Variants in DHX35 observed in about 807,000 individuals in gnomAD.
The protein encoded by DHX35 is DEAH-box helicase 35.
A neutral mutation model predicts 99.6 loss-of-function variants in DHX35; 84 were observed. The observed-to-expected ratio is 0.84, with a 90% CI of 0.71 to 1.01. The LOEUF is 1.01. DHX35 is among the 50% of genes least tolerant of loss of function. DHX35 has a pLI of 0.00. For missense variants in DHX35, 852 were observed against 888.5 expected, an observed-to-expected ratio of 0.96 and a Z score of 0.52; for synonymous variants, 331 against 316.2, an observed-to-expected ratio of 1.05 and a Z score of -0.50.
At chr20:39,022,222 G>A (rs899230738) in intron 16 of DHX35, among the ~76,000 whole-genome samples, 3 of 152,074 alleles carry the variant, frequency 2.0e-5, no homozygotes, top group African/African-American at 7.2e-5. Context: ...ATGCAGTGGC[G>A]TGATCTCAGC....
intron 3 of DHX35, among the ~76,000 whole-genome samples, chr20:38,974,454 G>A (rs1306771926): frequency 6.6e-6 from 1 of 152,254 alleles, no homozygotes; most frequent in Non-Finnish European, 1.5e-5. Context: ...CACAGTGACT[G>A]ATCACGACTT....
At chr20:38,973,741 G>A (rs2086036298) in intron 3 of DHX35, among the ~76,000 whole-genome samples, 1 of 152,174 alleles carries the variant, frequency 6.6e-6, no homozygotes, top group South Asian at 2.1e-4. Context: ...ATCTTTGCTG[G>A]CACACAGCCA....
intron 19 of DHX35, 87 bp downstream of exon 19, chr20:39,028,586 A>G (rs1057274453): frequency 1.6e-5 from 22 of 1,397,934 alleles, no homozygotes; most frequent in Non-Finnish European, 2.0e-5. Context: ...AGAGATAGTA[A>G]TTGCATAATT....
rs77171087 is a variant in DHX35, at chr20:39,001,798, A to G, written c.711A>G (p.Thr237=). 901 of 1,613,824 alleles carry G rather than the reference A, an allele frequency of 5.6e-4. 9 individuals carry two copies. In the East Asian group the frequency reaches 0.016, roughly 29 times the overall value. ...CAAGGGATACATGTGTGATCCTTAC[A>G]GTGGAAGGGAGAACATTTCCGGTGG... The part of the protein sequence containing the change: ...DPARDTCVIL[T]VEGRTFPVDI... Residue 237 remains threonine (T), a synonymous_variant, in exon 9 of 22, where the codon ACA becomes ACG. Coordinates refer to ENST00000252011, the MANE Select transcript of DHX35 (RefSeq NM_021931.4).
intron 19 of DHX35, among the ~76,000 whole-genome samples, chr20:39,028,978 T>C (rs1417804165): frequency 1.3e-5 from 2 of 152,194 alleles, no homozygotes; most frequent in South Asian, 2.1e-4. Flanking sequence ...CATAACCTGA[T>C]TCTTCCAGTT....
At chr20:38,995,199 A>G (rs1311238029) in intron 8 of DHX35, among the ~76,000 whole-genome samples, 2 of 152,098 alleles carry the variant, frequency 1.3e-5, no homozygotes, top group African/African-American at 4.8e-5. Context: ...TTATGACTAT[A>G]CTGTATAGAT....
chr20:39,021,725 C>G, intron 15 of DHX35, 116 bp from the exon 16 acceptor site: 1 of 1,033,452 alleles, frequency 9.7e-7, no homozygotes, highest in Non-Finnish European at 1.5e-6. Flanking sequence ...AAATTAAGCT[C>G]TAGAAAAAAT....
intron 17 of DHX35, among the ~76,000 whole-genome samples, chr20:39,025,013 C>T (rs1378868776): frequency 6.6e-6 from 1 of 152,140 alleles, no homozygotes; most frequent in African/African-American, 2.4e-5. Context: ...TTCTCATTTG[C>T]CCTTTAGTGT....
chr20:39,024,625 A>G (rs925179541), intron 17 of DHX35, among the ~76,000 whole-genome samples: 3 of 152,168 alleles, frequency 2.0e-5, no homozygotes, highest in East Asian at 1.9e-4. Flanking sequence ...GTATTATTCT[A>G]TGGTTGCCTT....
At chr20:39,036,780 G>A (rs1487421958) in intron 21 of DHX35, among the ~76,000 whole-genome samples, 1 of 137,666 alleles carries the variant, frequency 7.3e-6, no homozygotes, top group Non-Finnish European at 1.6e-5. Flanking sequence ...CAACCTCATT[G>A]TATAACGATG....
intron 15 of DHX35, among the ~76,000 whole-genome samples, chr20:39,019,161 C>T (rs1055649725): frequency 2.6e-5 from 4 of 152,106 alleles, no homozygotes; most frequent in African/African-American, 9.7e-5. Flanking sequence ...ACTTGGTAAA[C>T]ACAAATTCCT....
chr20:38,990,775 G>A (rs898769584), intron 5 of DHX35, among the ~76,000 whole-genome samples: 1 of 152,088 alleles, frequency 6.6e-6, no homozygotes, highest in African/African-American at 2.4e-5. Flanking sequence ...GGTTGGGGGG[G>A]TTTCTAGAAC....
At chr20:38,963,251 A>G (rs937054687) in intron 1 of DHX35, among the ~76,000 whole-genome samples, 1 of 152,262 alleles carries the variant, frequency 6.6e-6, no homozygotes, top group Non-Finnish European at 1.5e-5. Context: ...AAAGTTTTTA[A>G]ATTACAGCTA....
chr20:39,028,548 AT>A (rs753837912), intron 19 of DHX35, 49 bp downstream of exon 19: 426 of 1,583,862 alleles, frequency 2.7e-4, no homozygotes, highest in Non-Finnish European at 3.4e-4. Flanking sequence ...AATCTTACAA[AT>A]GACCCAAACC....
At chr20:38,978,640 T>A (rs2086120042) in intron 3 of DHX35, among the ~76,000 whole-genome samples, 1 of 152,258 alleles carries the variant, frequency 6.6e-6, no homozygotes, top group East Asian at 1.9e-4. Context: ...TTCTGTAGGT[T>A]TTCTCTTCAC....
At chr20:39,035,419 A>T (rs1265229600) in intron 21 of DHX35, among the ~76,000 whole-genome samples, 1 of 152,212 alleles carries the variant, frequency 6.6e-6, no homozygotes, top group Non-Finnish European at 1.5e-5. Flanking sequence ...GCCTGAAAAT[A>T]CTTGCTTTAC....
chr20:39,010,345 G>C lies in DHX35; in HGVS notation c.1288G>C (p.Val430Leu), dbSNP rs1600417818. ...GATGCAGCGTAGTAATTTGGCACCTGTCATCCTGCAGCTGAAAGCACTAGG... is the reference window on the plus strand; with the variant it reads ...GATGCAGCGTAGTAATTTGGCACCTCTCATCCTGCAGCTGAAAGCACTAGG... ...PEMQRSNLAPVILQLKALGID... is the reference protein window; with the variant it reads ...PEMQRSNLAPLILQLKALGID... Residue 430 changes from valine to leucine, a missense_variant, in exon 13 of 22, where the codon GTC becomes CTC. Physicochemically the swap from Val to Leu is conservative, Grantham distance 32 (BLOSUM62 1). Transcript: ENST00000252011. 6.2e-7 allele frequency: 1 copy of C among 1,614,180 alleles called. No individual in the cohort carries two copies. Among genetic ancestry groups the C allele is most frequent in the African/African-American group, 1.3e-5 (1 of 75,036 alleles).
At chr20:39,025,140 T>TAA in intron 17 of DHX35, 90 bp from the exon 18 acceptor site, 1 of 1,421,028 alleles carries the variant, frequency 7.0e-7, no homozygotes, top group South Asian at 1.4e-5. Context: ...GAACAGCACA[T>TAA]GGGGGAAGAG....
intron 3 of DHX35, among the ~76,000 whole-genome samples, chr20:38,975,176 A>G (rs1158252091): frequency 2.0e-5 from 3 of 152,024 alleles, no homozygotes; most frequent in Non-Finnish European, 4.4e-5. Context: ...AAAGTTTCCC[A>G]ATAGACAGCT....
Sources: allele counts gnomAD v4.1 joint callset (sites outside exome capture counted in the v4.1 genomes callset), GRCh38; gene constraint gnomAD v4.1.1; transcripts MANE v1.5; gene names NCBI Gene and HGNC (gene_info 2026-07-23, HGNC 2026-07-21).